YPEL2: variants seen among roughly 807,000 people sequenced by gnomAD.
YPEL2 encodes the protein yippee like 2.
In YPEL2, 2 loss-of-function variants were observed where a neutral mutation model predicts 19.1. That is an observed-to-expected ratio of 0.10 (90% CI 0.04 to 0.33). YPEL2 has a LOEUF of 0.33. Among genes scored for constraint, YPEL2 ranks in the 10% least tolerant of loss-of-function variants. The pLI is 1.00. For synonymous variants in YPEL2, 52 were observed against 50.0 expected, an observed-to-expected ratio of 1.04 and a Z score of -0.17; for missense variants, 66 against 140.7, an observed-to-expected ratio of 0.47 and a Z score of 2.68.
chr17:59,337,761 G>A (rs1025363190), intron 1 of YPEL2, among the ~76,000 whole-genome samples: 11 of 152,054 alleles, frequency 7.2e-5, no homozygotes, highest in Non-Finnish European at 1.6e-4. Context: ...TACTGGGTTG[G>A]GCATTAAAGT....
intron 2 of YPEL2, among the ~76,000 whole-genome samples, chr17:59,368,609 A>G (rs150282439): frequency 1.8e-4 from 27 of 152,306 alleles, no homozygotes; most frequent in Middle Eastern, 3.4e-3. Flanking sequence ...AGACAGAGAA[A>G]CATGACACGA....
rs1263089671 is a variant in YPEL2, at chr17:59,400,595, G to A, written c.*3405G>A. ...AACAGACTCTGCAGTACATTAATCAGGTTGAGAATTGAAATATTTTCTTGC... is the reference window on the plus strand; with the variant it reads ...AACAGACTCTGCAGTACATTAATCAAGTTGAGAATTGAAATATTTTCTTGC... On this transcript the variant is annotated 3_prime_UTR_variant, in exon 5 of 5. Coordinates refer to ENST00000312655, the MANE Select transcript of YPEL2 (RefSeq NM_001005404.4). 6.6e-6 allele frequency: 1 copy of A among 152,042 alleles called. No homozygotes were observed. The highest frequency in any genetic ancestry group is 2.1e-4 in the South Asian group (1 of 4,818). The allele number at this position is 152,042 out of a possible 1,614,324, so 9.4% of individuals were successfully genotyped here. A position where few individuals can be genotyped will look rare whatever the true frequency, so the allele number is the denominator to read the frequency against.
At chr17:59,387,632 T>G (rs1452385882) in intron 2 of YPEL2, among the ~76,000 whole-genome samples, 1 of 152,184 alleles carries the variant, frequency 6.6e-6, no homozygotes, top group Non-Finnish European at 1.5e-5. Flanking sequence ...CTGTTTCTCC[T>G]GTTCCCTGCC....
chr17:59,393,975 C>CT (rs1465616032), intron 4 of YPEL2, among the ~76,000 whole-genome samples: 1 of 152,278 alleles, frequency 6.6e-6, no homozygotes, highest in Non-Finnish European at 1.5e-5. Flanking sequence ...TCCCCCTTTT[C>CT]TATTCCACAA....
intron 1 of YPEL2, among the ~76,000 whole-genome samples, chr17:59,345,736 ATTCCT>A (rs2047752636): frequency 6.6e-6 from 1 of 152,106 alleles, no homozygotes. Context: ...AATAGGAACA[ATTCCT>A]GTGCTTTTTC....
chr17:59,368,022 A>G (rs1336150305), intron 2 of YPEL2, among the ~76,000 whole-genome samples: 1 of 152,192 alleles, frequency 6.6e-6, no homozygotes, highest in East Asian at 1.9e-4. Flanking sequence ...CCCTGCATAT[A>G]TTAAATCCTA....
At chr17:59,367,390 G>C (rs2047875700) in intron 2 of YPEL2, among the ~76,000 whole-genome samples, 1 of 152,202 alleles carries the variant, frequency 6.6e-6, no homozygotes, top group Admixed American at 6.5e-5. Flanking sequence ...TTTTGGGCTA[G>C]ATCCAAAGGT....
chr17:59,369,411 T>TC (rs1210159160), intron 2 of YPEL2, among the ~76,000 whole-genome samples: 1 of 152,160 alleles, frequency 6.6e-6, no homozygotes, highest in Non-Finnish European at 1.5e-5. Context: ...CCTCACAGAT[T>TC]CCTTTTCTGA....
chr17:59,389,545 A>G, intron 4 of YPEL2, 77 bp downstream of exon 4: 2 of 1,155,374 alleles, frequency 1.7e-6, no homozygotes, highest in Non-Finnish European at 1.3e-6. Context: ...ACTTTCTTCT[A>G]CTCGCTTTCC....
At chr17:59,332,554 C>G (rs1381294359) in intron 1 of YPEL2, among the ~76,000 whole-genome samples, 3 of 152,186 alleles carry the variant, frequency 2.0e-5, no homozygotes, top group African/African-American at 2.4e-5. Flanking sequence ...CCAGTTCACC[C>G]TGCTTGGCCG....
chr17:59,353,523 C>T lies in YPEL2; in HGVS notation c.114C>T (p.Ser38=). ...AHLANHDELI[S]KSFQGSQGRA... is the part of the protein sequence containing the mutation. Reference sequence around the variant, plus strand: ...TGGCCAATCATGATGAACTAATTTCCAAGGTACACATTTCCAGCAGGCCTT... The same window carrying T: ...TGGCCAATCATGATGAACTAATTTCTAAGGTACACATTTCCAGCAGGCCTT... The change falls in exon 2 of 5, where the codon TCC becomes TCT. Residue 38 remains serine (S), a synonymous_variant. Transcript: ENST00000312655. The surrounding 1 kb of genome is among the most constrained non-coding windows in gnomAD (Gnocchi z 4.8). The T allele has an allele frequency of 1.2e-6, 2 of 1,612,920 alleles. No individual in the cohort carries two copies. The highest frequency in any genetic ancestry group is 1.7e-6 in the Non-Finnish European group (2 of 1,178,898).
intron 1 of YPEL2, among the ~76,000 whole-genome samples, chr17:59,341,051 G>A (rs1334561070): frequency 6.7e-6 from 1 of 149,592 alleles, no homozygotes; most frequent in Non-Finnish European, 1.5e-5. Flanking sequence ...GTGGCCGGGC[G>A]CGGTGGCTCA....
At chr17:59,396,988 GTCATTGCAC>G in intron 4 of YPEL2, 104 bp from the exon 5 acceptor site, 2 of 673,084 alleles carry the variant, frequency 3.0e-6, no homozygotes, top group Non-Finnish European at 4.7e-6. Context: ...TGGAGATTGC[GTCATTGCAC>G]TCCAGCCTGG....
At chr17:59,372,219 C>T (rs2047900467) in intron 2 of YPEL2, among the ~76,000 whole-genome samples, 1 of 152,158 alleles carries the variant, frequency 6.6e-6, no homozygotes, top group South Asian at 2.1e-4. Flanking sequence ...TGGAATAACC[C>T]TGGCCTCTGA....
chr17:59,385,389 G>A (rs1228481628), intron 2 of YPEL2, among the ~76,000 whole-genome samples: 3 of 152,118 alleles, frequency 2.0e-5, no homozygotes, highest in East Asian at 1.9e-4. Flanking sequence ...GACCAGCCTG[G>A]GCAACATGGC....
At chr17:59,354,905 G>C (rs1447042489) in intron 2 of YPEL2, 3 of 152,158 alleles carry the variant, frequency 2.0e-5, no homozygotes, top group Admixed American at 6.5e-5. Context: ...TGAGAGAAGA[G>C]AGGAGTTGGT....
chr17:59,354,361 G>A (rs1033228099), intron 2 of YPEL2: 1 of 151,614 alleles, frequency 6.6e-6, no homozygotes, highest in African/African-American at 2.4e-5. Flanking sequence ...TGGACTTCAC[G>A]CCATTAAAGT....
At chr17:59,340,954 A>C (rs943042647) in intron 1 of YPEL2, among the ~76,000 whole-genome samples, 1 of 147,858 alleles carries the variant, frequency 6.8e-6, no homozygotes, top group African/African-American at 2.5e-5. Flanking sequence ...ACCTCAGGCT[A>C]TCTGCCCGCC....
intron 2 of YPEL2, among the ~76,000 whole-genome samples, chr17:59,366,414 G>A (rs1376719917): frequency 6.6e-6 from 1 of 152,142 alleles, no homozygotes; most frequent in Non-Finnish European, 1.5e-5. Flanking sequence ...GTTATCCGGG[G>A]CAGCTGAAAA....
Sources: allele counts gnomAD v4.1 joint callset (sites outside exome capture counted in the v4.1 genomes callset), GRCh38; gene constraint gnomAD v4.1.1; non-coding constraint Gnocchi (gnomAD v3.1); transcripts MANE v1.5; gene names NCBI Gene and HGNC (gene_info 2026-07-23, HGNC 2026-07-21).